The following GALNT2 variants were observed in gnomAD, a reference collection of about 807,000 sequenced individuals.
The protein encoded by GALNT2 is UDP-GalNAc:polypeptide N-acetylgalactosaminyltransferase 2.
In GALNT2, 31 loss-of-function variants were observed where a neutral mutation model predicts 81.4. The ratio of observed to expected loss-of-function variants is 0.38; its 90% CI spans 0.29 to 0.51. The LOEUF (loss-of-function observed/expected upper bound fraction) is 0.51. Ranked by LOEUF, GALNT2 falls within the 20% of genes least tolerant of loss-of-function variation. The pLI, the probability that GALNT2 is intolerant of heterozygous loss-of-function variation, is 0.87. For synonymous variants in GALNT2, 303 were observed against 287.4 expected, an observed-to-expected ratio of 1.05 and a Z score of -0.55; for missense variants, 629 against 765.7, an observed-to-expected ratio of 0.82 and a Z score of 2.11.
chr1:230,255,381 G>A lies in GALNT2; in HGVS notation c.1136+37G>A, dbSNP rs759894687. The A allele has an allele frequency of 3.1e-6, 5 of 1,613,596 alleles. No individual in the cohort carries two copies. In the South Asian group the frequency reaches 5.5e-5, roughly 18 times the overall value. ...AAGGCTGAGCGGGGTCCAAAACATT[G>A]ATGACTACCCTGAAAGCAGGACCTG... is the stretch of plus-strand genomic sequence containing the variant. On this transcript the variant is annotated intron_variant, in intron 11 of 15. Coordinates refer to ENST00000366672, the MANE Select transcript of GALNT2 (RefSeq NM_004481.5).
At position 230,281,537 on chromosome 1, in the gene GALNT2, G is replaced by A. The variant is rs770883532; in HGVS notation, c.*2079G>A. On this transcript the variant is annotated 3_prime_UTR_variant, in exon 16 of 16. Coordinates refer to ENST00000366672, the MANE Select transcript of GALNT2 (RefSeq NM_004481.5). ...GGAGGGAAATGGATGAATCTGGCTC[G>A]TTTTAAAATCACGTTTTCTGACGAA... 4.6e-5 allele frequency: 7 copies of A among 152,344 alleles called. No homozygotes were observed. The highest frequency in any genetic ancestry group is 6.5e-5 in the Admixed American group (1 of 15,270). 9.4% of individuals were successfully genotyped at this position (152,344 alleles called of 1,614,324 possible).
chr1:230,141,913 A>G (rs949747545), intron 1 of GALNT2, among the ~76,000 whole-genome samples: 2 of 148,666 alleles, frequency 1.3e-5, no homozygotes, highest in East Asian at 2.1e-4. Context: ...CTGCCTCCCA[A>G]GTAGCTAGGA....
In GALNT2 at chr1:230,279,617, T is replaced by G. The variant is rs1666382378; in HGVS notation, c.*159T>G. On this transcript the variant is annotated 3_prime_UTR_variant, in exon 16 of 16. Coordinates refer to ENST00000366672, the MANE Select transcript of GALNT2 (RefSeq NM_004481.5). This position sits in a 1 kb window ranked among gnomAD's most constrained non-coding sequence, Gnocchi z 4.6. ...AACTTCGGCAAGGCACGGACGACTGTGCAGACACAGCAGCGGCAAGAAGCG... is the reference window on the plus strand; with the variant it reads ...AACTTCGGCAAGGCACGGACGACTGGGCAGACACAGCAGCGGCAAGAAGCG... 2 of 896,480 alleles carry G rather than the reference T, an allele frequency of 2.2e-6. No homozygotes were observed. The allele number at this position is 896,480 out of a possible 1,614,324, so 55.5% of individuals were successfully genotyped here.
At chr1:230,065,438 T>A (rs1659148646), upstream of GALNT2, among the ~76,000 whole-genome samples, 1 of 152,250 alleles carries the variant, frequency 6.6e-6, no homozygotes, top group Non-Finnish European at 1.5e-5. Flanking sequence ...TGTGTGTGTG[T>A]GTATGTGTAT....
chr1:230,190,737 C>A (rs1663496186), intron 2 of GALNT2, among the ~76,000 whole-genome samples: 1 of 152,122 alleles, frequency 6.6e-6, no homozygotes, highest in South Asian at 2.1e-4. Context: ...CTGTGGTGTA[C>A]CATCTCTGCT....
At chr1:230,265,113 C>A in intron 13 of GALNT2, 128 bp from the exon 14 acceptor site, 2 of 1,231,264 alleles carry the variant, frequency 1.6e-6, no homozygotes, top group Non-Finnish European at 2.3e-6. Context: ...GGAAGAGGCA[C>A]GATGCCTAGT....
In GALNT2 at chr1:230,233,577, C is replaced by T. The variant is rs186932331; in HGVS notation, c.375-2437C>T. ...GCAATGATCCGAGATTGTGCCTCTG[C>T]ACTCCAGCCTGGGTGACAAGAGCAA... On this transcript the variant is annotated intron_variant, in intron 3 of 15. Coordinates refer to ENST00000366672, the MANE Select transcript of GALNT2 (RefSeq NM_004481.5). Among the ~76,000 whole-genome samples the T allele has an allele frequency of 5.9e-4, 90 of 152,238 alleles. 1 individual carries two copies. The East Asian group carries it at 0.013, about 21-fold the overall frequency.
chr1:230,213,752 A>G (rs1471118326), intron 3 of GALNT2, among the ~76,000 whole-genome samples: 1 of 152,150 alleles, frequency 6.6e-6, no homozygotes, highest in Non-Finnish European at 1.5e-5. Context: ...TTGGTTTGCT[A>G]AATTCTTGAC....
intron 1 of GALNT2, among the ~76,000 whole-genome samples, chr1:230,148,619 T>C (rs1474935869): frequency 2.0e-5 from 3 of 152,112 alleles, no homozygotes; most frequent in African/African-American, 7.2e-5. Context: ...TGAGACAAGG[T>C]TTGTTGCCCA....
chr1:230,162,119 C>T (rs988310013), intron 1 of GALNT2, among the ~76,000 whole-genome samples: 7 of 152,180 alleles, frequency 4.6e-5, no homozygotes, highest in Non-Finnish European at 5.9e-5. Flanking sequence ...CTTGTATAGA[C>T]GTGAATGAGT....
chr1:230,255,433 C>T, intron 11 of GALNT2, 89 bp downstream of exon 11: 1 of 1,531,650 alleles, frequency 6.5e-7, no homozygotes, highest in Non-Finnish European at 9.0e-7. Context: ...GGACAGATGT[C>T]CTTCAGTGGG....
At chr1:230,110,384 C>T (rs182949996) in intron 1 of GALNT2, among the ~76,000 whole-genome samples, 73 of 152,258 alleles carry the variant, frequency 4.8e-4, no homozygotes, top group African/African-American at 1.7e-3. Context: ...GTTGTGAGCT[C>T]TGACGGCCTG....
At chr1:230,063,912 T>C (rs1252703990), upstream of GALNT2, among the ~76,000 whole-genome samples, 2 of 152,226 alleles carry the variant, frequency 1.3e-5, no homozygotes, top group Non-Finnish European at 2.9e-5. Flanking sequence ...TTGTTATATC[T>C]GATGTGGGTT....
intron 1 of GALNT2, among the ~76,000 whole-genome samples, chr1:230,131,655 C>T (rs1571998927): frequency 6.6e-6 from 1 of 152,300 alleles, no homozygotes; most frequent in East Asian, 1.9e-4. Flanking sequence ...CTCCGCTGCA[C>T]CAGCCAAGTA....
At chr1:230,162,750 C>G (rs1662474335) in intron 1 of GALNT2, among the ~76,000 whole-genome samples, 1 of 152,194 alleles carries the variant, frequency 6.6e-6, no homozygotes, top group African/African-American at 2.4e-5. Flanking sequence ...CAGAGAGGGT[C>G]TTGCCCCAAC....
chr1:230,114,704 C>T (rs991177999), intron 1 of GALNT2, among the ~76,000 whole-genome samples: 1 of 152,158 alleles, frequency 6.6e-6, no homozygotes, highest in African/African-American at 2.4e-5. Flanking sequence ...TAGTCTGGTC[C>T]AGAACGCTGA....
rs1425648998 is a variant in GALNT2 at position 230,275,061 on chromosome 1, T to C, written c.1560+497T>C. 6.7e-6 allele frequency among the ~76,000 whole-genome samples: 1 copy of C among 150,094 alleles called. No individual in the cohort carries two copies. Among genetic ancestry groups the C allele is most frequent in the Non-Finnish European group, 1.5e-5 (1 of 67,246 alleles). On this transcript the variant is annotated intron_variant, in intron 15 of 15. Transcript: ENST00000366672. This position sits in a 1 kb window ranked among gnomAD's most constrained non-coding sequence, Gnocchi z 5.5. ...TATACACATATATACATGCCACATA[T>C]ATACGTATATATATACACACCACAT...
intron 1 of GALNT2, among the ~76,000 whole-genome samples, chr1:230,164,378 C>T (rs184458805): frequency 1.2e-4 from 19 of 152,288 alleles, no homozygotes; most frequent in African/African-American, 4.3e-4. Flanking sequence ...GATAAGCGCA[C>T]AAGATCACTT....
At chr1:230,215,640 G>C (rs1304181574) in intron 3 of GALNT2, among the ~76,000 whole-genome samples, 2 of 152,204 alleles carry the variant, frequency 1.3e-5, no homozygotes, top group Non-Finnish European at 2.9e-5. Context: ...AGAGTAAATG[G>C]AAATACAGGC....
Sources: allele counts gnomAD v4.1 joint callset (sites outside exome capture counted in the v4.1 genomes callset), GRCh38; gene constraint gnomAD v4.1.1; non-coding constraint Gnocchi (gnomAD v3.1); transcripts MANE v1.5; gene names NCBI Gene and HGNC (gene_info 2026-07-23, HGNC 2026-07-21).